Variants in AR observed in about 807,000 individuals in gnomAD.
AR encodes dihydrotestosterone receptor.
AR carries 8 observed loss-of-function variants against 53.9 expected under a neutral mutation model. The ratio of observed to expected loss-of-function variants is 0.15; its 90% CI spans 0.09 to 0.27. The LOEUF is 0.27. Among genes scored for constraint, AR ranks in the 10% least tolerant of loss-of-function variants. AR has a pLI of 1.00. For synonymous variants in AR, 359 were observed against 316.4 expected, an observed-to-expected ratio of 1.13 and a Z score of -1.43; for missense variants, 639 against 742.5, an observed-to-expected ratio of 0.86 and a Z score of 1.62.
rs2147540679 is a variant in AR at position 67,723,793 on chromosome X, C to T, written c.2715C>T (p.Pro905=). 8.3e-7 allele frequency: 1 copy of T among 1,210,914 alleles called. No individual in the cohort carries two copies. Among genetic ancestry groups the T allele is most frequent in the Admixed American group, 2.2e-5 (1 of 45,984 alleles). Residue 905 remains proline (P), a synonymous_variant, in exon 8 of 8, where the codon CCC becomes CCT. Transcript: ENST00000374690. ...CAGAGATCATCTCTGTGCAAGTGCC[C>T]AAGATCCTTTCTGGGAAAGTCAAGC... is the stretch of plus-strand genomic sequence containing the variant. ...MMAEIISVQV[P]KILSGKVKPI...
At chrX:67,611,861 T>G (rs1192599935) in intron 1 of AR, among the ~76,000 whole-genome samples, 2 of 112,303 alleles carry the variant, frequency 1.8e-5, no homozygotes, top group Admixed American at 9.5e-5. Context: ...TTCTAGCTCC[T>G]GATGTGTATT....
At chrX:67,722,224 GC>G in intron 6 of AR, 3 of 357,007 alleles carry the variant, frequency 8.4e-6, no homozygotes, top group Non-Finnish European at 1.5e-5. Flanking sequence ...TTGGGACAAG[GC>G]CTTTTTGACT....
intron 3 of AR, among the ~76,000 whole-genome samples, chrX:67,692,751 G>T: frequency 8.9e-6 from 1 of 111,955 alleles, no homozygotes; most frequent in Non-Finnish European, 1.9e-5. Flanking sequence ...CCCTTCTTTT[G>T]TGGATGAAAA....
chrX:67,581,545 G>T (rs1922298673), intron 1 of AR, among the ~76,000 whole-genome samples: 1 of 111,253 alleles, frequency 9.0e-6, no homozygotes, highest in Non-Finnish European at 1.9e-5. Flanking sequence ...ATAGGGAGAG[G>T]TTTATGGTTA....
chrX:67,625,662 G>T (rs1378783390), intron 1 of AR, among the ~76,000 whole-genome samples: 1 of 111,455 alleles, frequency 9.0e-6, no homozygotes, highest in East Asian at 2.8e-4. Flanking sequence ...GGAAAGAATA[G>T]TCTTTTCAAT....
chrX:67,647,354 T>C (rs1926104615), intron 2 of AR, among the ~76,000 whole-genome samples: 1 of 111,824 alleles, frequency 8.9e-6, no homozygotes, highest in African/African-American at 3.3e-5. Flanking sequence ...CTCCAGGTTT[T>C]TGTTAGGGAA....
chrX:67,693,696 G>A (rs774135928), intron 3 of AR, among the ~76,000 whole-genome samples: 2 of 111,653 alleles, frequency 1.8e-5, no homozygotes, highest in East Asian at 5.7e-4. Flanking sequence ...CAGCTCATCT[G>A]TTATTAATAT....
chrX:67,690,935 T>C (rs1286398329), intron 3 of AR, among the ~76,000 whole-genome samples: 1 of 111,285 alleles, frequency 9.0e-6, no homozygotes, highest in Non-Finnish European at 1.9e-5. Flanking sequence ...GCTGGGGAAA[T>C]GGTAAGGGCA....
At chrX:67,650,385 C>T (rs1010045972) in intron 2 of AR, among the ~76,000 whole-genome samples, 12 of 111,939 alleles carry the variant, frequency 1.1e-4, no homozygotes, top group Non-Finnish European at 2.3e-4. Flanking sequence ...TTCTTCAGTC[C>T]TTTCAGGGAA....
chrX:67,636,858 C>A (rs990043777), intron 1 of AR, among the ~76,000 whole-genome samples: 1 of 111,554 alleles, frequency 9.0e-6, no homozygotes, highest in African/African-American at 3.3e-5. Context: ...GGTCTCTAGT[C>A]AAAATGGGTT....
At position 67,546,621 on chromosome X, in the gene AR, G is replaced by A. The variant is rs752826956; in HGVS notation, c.1475G>A (p.Gly492Asp). 8.4e-7 allele frequency: 1 copy of A among 1,192,318 alleles called. No homozygotes were observed. Residue 492 changes from glycine (G) to aspartate (D), a missense_variant, in exon 1 of 8, where the codon GGC (glycine) becomes GAC (aspartate). Transcript: ENST00000374690. ...GYTRPPQGLA[G>D]QESDFTAPDV... ...ACTCGGCCCCCTCAGGGGCTGGCGG[G>A]CCAGGAAAGCGACTTCACCGCACCT...
intron 1 of AR, among the ~76,000 whole-genome samples, chrX:67,619,759 G>A (rs963914497): frequency 9.0e-6 from 1 of 111,276 alleles, no homozygotes; most frequent in African/African-American, 3.3e-5. Flanking sequence ...GTAAACATCA[G>A]CTGTTATTAT....
chrX:67,628,852 A>G (rs992335945), intron 1 of AR, among the ~76,000 whole-genome samples: 8 of 111,550 alleles, frequency 7.2e-5, no homozygotes, highest in South Asian at 3.7e-4. Context: ...ATGAAGCGTT[A>G]TTGAATTTTG....
At position 67,730,199 on chromosome X, in the gene AR, A is replaced by G. The variant is rs1349434989; in HGVS notation, c.*6358A>G. On this transcript the variant is annotated 3_prime_UTR_variant, in exon 8 of 8. Transcript: ENST00000374690. ...AAGAAATAAGAAGAGAGAGAGAAAGAAAGCATCACACAAAGATTTTCTTAA... is the reference window on the plus strand; with the variant it reads ...AAGAAATAAGAAGAGAGAGAGAAAGGAAGCATCACACAAAGATTTTCTTAA... The G allele has an allele frequency of 5.8e-6, 1 of 172,238 alleles. No homozygotes were observed. The highest frequency in any genetic ancestry group is 1.1e-5 in the Non-Finnish European group (1 of 90,803). The allele number at this position is 172,238 out of a possible 1,213,427, so 14.2% of individuals were successfully genotyped here. A position where few individuals can be genotyped will look rare whatever the true frequency, so the allele number is the denominator to read the frequency against.
In AR at chrX:67,544,478, C is replaced by G; in HGVS notation, c.-669C>G. The G allele has an allele frequency of 6.5e-6, 1 of 153,398 alleles. No homozygotes were observed. The highest frequency in any genetic ancestry group is 1.2e-5 in the Non-Finnish European group (1 of 81,855). The allele number at this position is 153,398 out of a possible 1,213,427, so 12.6% of individuals were successfully genotyped here. A position where few individuals can be genotyped will look rare whatever the true frequency, so the allele number is the denominator to read the frequency against. ...CCCCCCCGCCCCCGTCGGCCCAGCG[C>G]TGCCAGCCCGAGTTTGCAGAGAGGT... On this transcript the variant is annotated 5_prime_UTR_variant, in exon 1 of 8. Coordinates refer to ENST00000374690, the MANE Select transcript of AR (RefSeq NM_000044.6).
Position 67,559,890 on chromosome X carries a change from T to C in AR, c.1616+13128T>C, listed in dbSNP as rs955515706. On this transcript the variant is annotated intron_variant, in intron 1 of 7. Coordinates refer to ENST00000374690, the MANE Select transcript of AR (RefSeq NM_000044.6). ...CATCCCTCCTTCCCTTTCATCTTTG[T>C]TTAAAAACCACAGTTAGCAAATGTG... Among the ~76,000 whole-genome samples the C allele has an allele frequency of 3.6e-5, 4 of 112,085 alleles. No homozygotes were observed. In the East Asian group the frequency reaches 1.1e-3, roughly 32 times the overall value.
intron 2 of AR, among the ~76,000 whole-genome samples, chrX:67,671,483 C>T (rs1353190656): frequency 9.4e-6 from 1 of 106,624 alleles, no homozygotes; most frequent in Non-Finnish European, 2.0e-5. Context: ...AGTTCCTTGT[C>T]GATTCTGGAT....
At chrX:67,672,328 G>A (rs903928379) in intron 2 of AR, among the ~76,000 whole-genome samples, 4 of 110,860 alleles carry the variant, frequency 3.6e-5, no homozygotes, top group Middle Eastern at 4.7e-3. Flanking sequence ...GGAGAGTTTC[G>A]TCCATTTAGA....
intron 1 of AR, among the ~76,000 whole-genome samples, chrX:67,557,802 A>G (rs1201117214): frequency 1.8e-5 from 2 of 112,169 alleles, no homozygotes; most frequent in Non-Finnish European, 3.8e-5. Context: ...ACCTAAAACC[A>G]GGTAATTAAA....
Sources: gnomAD v4.1 joint callset for allele counts (sites outside exome capture counted in the v4.1 genomes callset) on GRCh38, gnomAD v4.1.1 for gene constraint, MANE v1.5 for transcripts, NCBI Gene and HGNC (gene_info 2026-07-23, HGNC 2026-07-21) for gene names.